APLF: variants seen among roughly 807,000 people sequenced by gnomAD.
The protein encoded by APLF is aprataxin and PNK-like factor.
A neutral mutation model predicts 55.6 loss-of-function variants in APLF; 61 were observed. That is an observed-to-expected ratio of 1.10 (90% CI 0.89 to 1.36). The LOEUF (loss-of-function observed/expected upper bound fraction) is 1.36, where lower values mean the gene tolerates loss of function less well. Among genes scored for constraint, APLF ranks in the 40% most tolerant of loss-of-function variants. The pLI is 0.00. For missense variants in APLF, 611 were observed against 602.5 expected, an observed-to-expected ratio of 1.01 and a Z score of -0.15; for synonymous variants, 207 against 214.8, an observed-to-expected ratio of 0.96 and a Z score of 0.32.
At chr2:68,489,619 G>C (rs771793950) in intron 1 of APLF, among the ~76,000 whole-genome samples, 8 of 152,184 alleles carry the variant, frequency 5.3e-5, no homozygotes, top group Non-Finnish European at 7.3e-5. Context: ...TACTGAAAAT[G>C]TTTGGTTTTC....
chr2:68,566,423 T>C (rs1182687911), intron 8 of APLF, among the ~76,000 whole-genome samples: 2 of 152,110 alleles, frequency 1.3e-5, no homozygotes, highest in Non-Finnish European at 2.9e-5. Flanking sequence ...AGAATGTGTA[T>C]CTGGTTAAAT....
chr2:68,559,234 G>A (rs1226477384), intron 8 of APLF, among the ~76,000 whole-genome samples: 1 of 152,094 alleles, frequency 6.6e-6, no homozygotes, highest in Non-Finnish European at 1.5e-5. Context: ...AGAGCAGAGA[G>A]CAGTGTCTTC....
chr2:68,467,884 C>T, intron 1 of APLF, 57 bp downstream of exon 1: 4 of 1,196,956 alleles, frequency 3.3e-6, no homozygotes, highest in Non-Finnish European at 4.2e-6. Context: ...CGCGCCGGCT[C>T]CTGAAGACCG....
intron 8 of APLF, among the ~76,000 whole-genome samples, chr2:68,545,565 A>G (rs926389507): frequency 1.1e-4 from 17 of 152,182 alleles, no homozygotes; most frequent in Non-Finnish European, 2.4e-4. Context: ...AAATTAGATC[A>G]CTTAAAAGCT....
chr2:68,568,956 C>T (rs34236543), intron 9 of APLF, among the ~76,000 whole-genome samples: 16,180 of 152,052 alleles, frequency 0.11, 1,106 homozygotes, highest in African/African-American at 0.19. Context: ...CCCTACAAAA[C>T]CTAAAAATTG....
intron 2 of APLF, among the ~76,000 whole-genome samples, chr2:68,494,841 T>A (rs569832682): frequency 1.3e-5 from 2 of 152,292 alleles, no homozygotes; most frequent in South Asian, 4.1e-4. Flanking sequence ...TCTTGTTCCT[T>A]TTCATGGCTG....
At chr2:68,519,187 T>A (rs1669814160) in intron 5 of APLF, among the ~76,000 whole-genome samples, 1 of 139,168 alleles carries the variant, frequency 7.2e-6, no homozygotes, top group Non-Finnish European at 1.5e-5. Flanking sequence ...TGTGACTATA[T>A]ATTTATAATA....
chr2:68,543,090 G>C (rs966805052), intron 7 of APLF, among the ~76,000 whole-genome samples: 8 of 152,160 alleles, frequency 5.3e-5, no homozygotes, highest in Non-Finnish European at 8.8e-5. Flanking sequence ...GGTATCTAGA[G>C]TAGTTAGATT....
chr2:68,576,239 G>C (rs766640404), intron 9 of APLF, among the ~76,000 whole-genome samples: 96 of 152,106 alleles, frequency 6.3e-4, no homozygotes, highest in Non-Finnish European at 1.9e-4. Context: ...GACAAAAATA[G>C]AGATATTGAT....
At chr2:68,495,819 A>G (rs1184046747) in intron 2 of APLF, among the ~76,000 whole-genome samples, 1 of 152,160 alleles carries the variant, frequency 6.6e-6, no homozygotes, top group African/African-American at 2.4e-5. Context: ...CAGGCTTAAC[A>G]CCGTGTGAGA....
intron 3 of APLF, among the ~76,000 whole-genome samples, chr2:68,504,773 T>C (rs1676826074): frequency 6.6e-6 from 1 of 152,004 alleles, no homozygotes; most frequent in Admixed American, 6.6e-5. Flanking sequence ...TCCTTAGTAA[T>C]CTACCAAAAA....
chr2:68,550,799 T>G lies in APLF; in HGVS notation c.1286+5487T>G, dbSNP rs150510466. On this transcript the variant is annotated intron_variant, in intron 8 of 9. Coordinates refer to ENST00000303795, the MANE Select transcript of APLF (RefSeq NM_173545.3). ...TGCAAGAACCTTACATCACTTTAAT[T>G]TCATTTACTTCCTCTTTTGTCTTTT... 4.4e-3 allele frequency among the ~76,000 whole-genome samples: 668 copies of G among 152,278 alleles called. 2 individuals carry two copies. Among genetic ancestry groups the G allele is most frequent in the Admixed American group, 6.7e-3 (103 of 15,294 alleles).
At chr2:68,469,134 ACAT>A (rs1675536565) in intron 1 of APLF, among the ~76,000 whole-genome samples, 1 of 152,074 alleles carries the variant, frequency 6.6e-6, no homozygotes, top group South Asian at 2.1e-4. Flanking sequence ...TAAATATTTA[ACAT>A]CATTTCTATT....
At chr2:68,486,281 CA>C (rs1452514948) in intron 1 of APLF, among the ~76,000 whole-genome samples, 1 of 152,004 alleles carries the variant, frequency 6.6e-6, no homozygotes, top group Non-Finnish European at 1.5e-5. Flanking sequence ...ATTTTGAAGC[CA>C]AAATCTATAC....
In APLF at chr2:68,566,319, A is replaced by G. The variant is rs1044246710; in HGVS notation, c.1287-1022A>G. Among the ~76,000 whole-genome samples the G allele has an allele frequency of 3.9e-5, 6 of 152,094 alleles. No individual in the cohort carries two copies. The South Asian group carries it at 8.3e-4, about 21-fold the overall frequency. ...AGATATATTATAAGGAGTATTTCCT[A>G]TCTTCACAGAAGATGTTCTTATTTT... On this transcript the variant is annotated intron_variant, in intron 8 of 9. Coordinates refer to ENST00000303795, the MANE Select transcript of APLF (RefSeq NM_173545.3).
intron 4 of APLF, 73 bp from the exon 5 acceptor site, chr2:68,513,475 C>A (rs1173145235): frequency 1.3e-6 from 2 of 1,518,350 alleles, no homozygotes; most frequent in East Asian, 2.3e-5. Context: ...TGGTAGTATT[C>A]TGCAAAGCAG....
At chr2:68,507,627 A>G (rs1043397976) in intron 3 of APLF, among the ~76,000 whole-genome samples, 1 of 152,116 alleles carries the variant, frequency 6.6e-6, no homozygotes, top group African/African-American at 2.4e-5. Flanking sequence ...AAATTATAGC[A>G]CATTTCACTT....
intron 6 of APLF, among the ~76,000 whole-genome samples, chr2:68,527,882 C>T (rs1483819929): frequency 1.3e-5 from 2 of 150,182 alleles, no homozygotes; most frequent in Non-Finnish European, 3.0e-5. Context: ...AGAGGCGCTT[C>T]TCACTTCCCA....
chr2:68,518,414 T>TAA (rs1558539428), intron 5 of APLF, among the ~76,000 whole-genome samples: 5 of 111,070 alleles, frequency 4.5e-5, no homozygotes, highest in African/African-American at 1.9e-4. Context: ...ATATTATATA[T>TAA]TATATAATAA....
Sources: gnomAD v4.1 joint callset for allele counts (sites outside exome capture counted in the v4.1 genomes callset) on GRCh38, gnomAD v4.1.1 for gene constraint, MANE v1.5 for transcripts, NCBI Gene and HGNC (gene_info 2026-07-23, HGNC 2026-07-21) for gene names.